NUP93: variants seen among roughly 807,000 people sequenced by gnomAD.
The protein encoded by NUP93 is nuclear pore complex protein Nup93.
NUP93 carries 55 observed loss-of-function variants against 107.8 expected under a neutral mutation model. That is an observed-to-expected ratio of 0.51 (90% confidence interval 0.41 to 0.64). NUP93 has a LOEUF of 0.64. Ranked by LOEUF, NUP93 falls within the 30% of genes least tolerant of loss-of-function variation. The probability of loss-of-function intolerance (pLI) is 0.00; values close to 1 mark genes in which losing one functional copy is unlikely to be tolerated. For synonymous variants in NUP93, 390 were observed against 397.5 expected, an observed-to-expected ratio of 0.98 and a Z score of 0.22; for missense variants, 937 against 1,044.7, an observed-to-expected ratio of 0.90 and a Z score of 1.42.
At chr16:56,740,405 C>T (rs200770022) in intron 1 of NUP93, among the ~76,000 whole-genome samples, 1,747 of 150,964 alleles carry the variant, frequency 0.012, 9 homozygotes, top group Admixed American at 0.069. Context: ...GGGGCAGAGG[C>T]GCTCCCCACA....
At chr16:56,832,126 C>T in intron 11 of NUP93, 119 bp downstream of exon 11, 2 of 1,336,758 alleles carry the variant, frequency 1.5e-6, no homozygotes, top group African/African-American at 1.4e-5. Context: ...CAGTGGGTTC[C>T]TCGTCTCCTG....
At chr16:56,808,803 CATATATAAATATAAAT>C (rs1963246973) in intron 5 of NUP93, among the ~76,000 whole-genome samples, 2 of 137,692 alleles carry the variant, frequency 1.5e-5, no homozygotes, top group Non-Finnish European at 3.1e-5. Context: ...TATATAAATA[CATATATAAATATAAAT>C]ACATATATAA....
At position 56,830,563 on chromosome 16, in the gene NUP93, A is replaced by G. The variant is rs1392766105; in HGVS notation, c.963A>G (p.Leu321=). 9 of 1,599,022 alleles carry G rather than the reference A, an allele frequency of 5.6e-6. No individual in the cohort carries two copies. Among genetic ancestry groups the G allele is most frequent in the South Asian group, 5.5e-5 (5 of 90,330 alleles). ...GEVEGHPVWA[L]IYYCMRCGDL... Reference sequence around the variant, plus strand: ...TGGAAGGCCATCCTGTGTGGGCGCTAATTTACTACTGCATGCGCTGTGGAG... The same window carrying G: ...TGGAAGGCCATCCTGTGTGGGCGCTGATTTACTACTGCATGCGCTGTGGAG... The change falls in exon 10 of 22, where the codon CTA becomes CTG. Residue 321 remains leucine, a synonymous_variant. Coordinates refer to ENST00000308159, the MANE Select transcript of NUP93 (RefSeq NM_014669.5).
intron 4 of NUP93, among the ~76,000 whole-genome samples, chr16:56,805,296 C>T (rs1963111605): frequency 6.6e-6 from 1 of 152,208 alleles, no homozygotes; most frequent in Non-Finnish European, 1.5e-5. Flanking sequence ...AATCTGCCTG[C>T]TTTGGCTCCC....
chr16:56,752,659 A>G (rs1360266849), intron 2 of NUP93, among the ~76,000 whole-genome samples: 1 of 152,300 alleles, frequency 6.6e-6, no homozygotes, highest in South Asian at 2.1e-4. Flanking sequence ...CTGATTCTAA[A>G]ATCCATATAG....
intron 5 of NUP93, among the ~76,000 whole-genome samples, 184 bp from the exon 6 acceptor site, chr16:56,818,480 T>C (rs1330751976): frequency 6.6e-6 from 1 of 152,212 alleles, no homozygotes; most frequent in African/African-American, 2.4e-5. Context: ...TCTCTTCTCA[T>C]GTGTTCATAG....
chr16:56,793,873 T>C (rs1359361421), intron 3 of NUP93, among the ~76,000 whole-genome samples: 2 of 152,088 alleles, frequency 1.3e-5, no homozygotes, highest in African/African-American at 4.8e-5. Context: ...ACCAATATGG[T>C]GACACCCTGT....
intron 3 of NUP93, chr16:56,781,990 C>T: frequency 1.0e-6 from 1 of 985,432 alleles, no homozygotes; most frequent in Non-Finnish European, 1.2e-6. Context: ...GCTTCAGTCA[C>T]ATCAGCACTT....
intron 3 of NUP93, chr16:56,782,070 C>T: frequency 1.0e-6 from 1 of 985,452 alleles, no homozygotes; most frequent in East Asian, 1.1e-4. Context: ...TCTCCCCACC[C>T]CCATCCCTCA....
At chr16:56,731,401 C>CTT (rs1244190547) in intron 1 of NUP93, among the ~76,000 whole-genome samples, 5 of 144,618 alleles carry the variant, frequency 3.5e-5, no homozygotes, top group Admixed American at 6.9e-5. Context: ...CTTTTCTTTC[C>CTT]TTTTTTTTTT....
chr16:56,782,170 G>A lies in NUP93; in HGVS notation c.298-16306G>A, dbSNP rs190171907. The stretch of plus-strand genomic sequence containing the variant: ...AAGGTTTGGAAGAGCTGCAGTGATC[G>A]ACAGCATCGACCGTTCTGTAACTCC... On this transcript the variant is annotated intron_variant, in intron 3 of 21. Coordinates refer to ENST00000308159, the MANE Select transcript of NUP93 (RefSeq NM_014669.5). 1.0e-5 allele frequency: 10 copies of A among 985,346 alleles called. No homozygotes were observed. The East Asian group carries it at 5.7e-4, about 56-fold the overall frequency. 61.0% of individuals were successfully genotyped at this position (985,346 alleles called of 1,614,324 possible). A position where few individuals can be genotyped will look rare whatever the true frequency, so the allele number is the denominator to read the frequency against.
chr16:56,778,894 T>C (rs1962463630), intron 3 of NUP93, among the ~76,000 whole-genome samples: 1 of 152,096 alleles, frequency 6.6e-6, no homozygotes, highest in African/African-American at 2.4e-5. Context: ...TAGAAATGAA[T>C]GTGTAATAGG....
intron 1 of NUP93, among the ~76,000 whole-genome samples, chr16:56,746,924 A>G (rs1389732214): frequency 1.3e-5 from 2 of 152,238 alleles, no homozygotes; most frequent in Admixed American, 6.5e-5. Context: ...AGAAGGAAAA[A>G]AAGTATAACA....
chr16:56,841,853 G>T lies in NUP93; in HGVS notation c.2349+20G>T, dbSNP rs758813934. ...GACTCTGTAAGATCCCAGCATTCGCGAGAAACATTGCTAAGCACCACCTTT... is the reference window on the plus strand; with the variant it reads ...GACTCTGTAAGATCCCAGCATTCGCTAGAAACATTGCTAAGCACCACCTTT... On this transcript the variant is annotated intron_variant, in intron 21 of 21. Transcript: ENST00000308159. The T allele has an allele frequency of 1.2e-6, 2 of 1,613,042 alleles. No individual in the cohort carries two copies. Among genetic ancestry groups the T allele is most frequent in the East Asian group, 2.2e-5 (1 of 44,874 alleles).
rs182552185 is a variant in NUP93 at position 56,801,028 on chromosome 16, C to T, written c.360+2490C>T. On this transcript the variant is annotated intron_variant, in intron 4 of 21. Coordinates refer to ENST00000308159, the MANE Select transcript of NUP93 (RefSeq NM_014669.5). The stretch of plus-strand genomic sequence containing the variant: ...GATTTAATTTATAATAATTTCTCCA[C>T]TGTTTTGTCATTTTCTGTGGATTGT... Among the ~76,000 whole-genome samples, 34 of 152,294 alleles carry T rather than the reference C, an allele frequency of 2.2e-4. No individual in the cohort carries two copies. In the East Asian group the frequency reaches 6.5e-3, roughly 29 times the overall value.
chr16:56,815,229 C>G (rs1458934923), intron 5 of NUP93, among the ~76,000 whole-genome samples: 1 of 152,204 alleles, frequency 6.6e-6, no homozygotes, highest in Non-Finnish European at 1.5e-5. Context: ...TTCTCCTTTT[C>G]ATTTCCTTGT....
chr16:56,792,066 G>A (rs1275249342), intron 3 of NUP93, among the ~76,000 whole-genome samples: 1 of 152,144 alleles, frequency 6.6e-6, no homozygotes, highest in Non-Finnish European at 1.5e-5. Flanking sequence ...TATAATCCCA[G>A]CTACTCCGGA....
At chr16:56,794,653 G>T (rs930045967) in intron 3 of NUP93, among the ~76,000 whole-genome samples, 2 of 152,098 alleles carry the variant, frequency 1.3e-5, no homozygotes, top group African/African-American at 4.8e-5. Context: ...GATAGGCTGG[G>T]CGCGGTGGCT....
intron 1 of NUP93, among the ~76,000 whole-genome samples, chr16:56,734,287 A>G (rs1961577407): frequency 6.6e-6 from 1 of 152,244 alleles, no homozygotes; most frequent in African/African-American, 2.4e-5. Context: ...TTAGCTAGGT[A>G]GGTATTTTGG....
Sources: allele counts gnomAD v4.1 joint callset (sites outside exome capture counted in the v4.1 genomes callset), GRCh38; gene constraint gnomAD v4.1.1; transcripts MANE v1.5; gene names NCBI Gene and HGNC (gene_info 2026-07-23, HGNC 2026-07-21).